FAT3: variants seen among roughly 807,000 people sequenced by gnomAD.
The protein encoded by FAT3 is FAT atypical cadherin 3, also known as protocadherin Fat 3.
In FAT3, 95 loss-of-function variants were observed where a neutral mutation model predicts 310.2. The ratio of observed to expected loss-of-function variants is 0.31; its 90% CI spans 0.26 to 0.36. FAT3 has a LOEUF of 0.36. FAT3 is among the 10% of genes least tolerant of loss of function. The pLI, the probability that FAT3 is intolerant of heterozygous loss-of-function variation, is 1.00. For synonymous variants in FAT3, 2,314 were observed against 2,192.9 expected (o/e 1.06, Z -1.54); for missense variants, 5,408 against 5,715.6 (o/e 0.95, Z 1.74).
rs1212364088 is a variant in FAT3, at chr11:92,800,920, C to T, written c.7907C>T (p.Thr2636Ile). 1.2e-6 allele frequency: 2 copies of T among 1,612,714 alleles called. No homozygotes were observed. The highest frequency in any genetic ancestry group is 1.7e-6 in the Non-Finnish European group (2 of 1,179,374). The change falls in exon 10 of 28, where the codon ACT (threonine) becomes ATT (isoleucine). Residue 2636 changes from threonine (T) to isoleucine (I), a missense_variant. Physicochemically the swap from Thr to Ile is moderately conservative, Grantham distance 89. Coordinates refer to ENST00000525166, the MANE Select transcript of FAT3 (RefSeq NM_001367949.2). ...GATGATGGAGCAAATTCAAGGATTACTTATTCCCTCTATAGCGAGGCCTCT... is the reference window on the plus strand; with the variant it reads ...GATGATGGAGCAAATTCAAGGATTATTTATTCCCTCTATAGCGAGGCCTCT... ...DPDDGANSRI[T>I]YSLYSEASVS...
At chr11:92,340,876 C>A (rs1433133958) in intron 1 of FAT3, among the ~76,000 whole-genome samples, 1 of 152,116 alleles carries the variant, frequency 6.6e-6, no homozygotes, top group Non-Finnish European at 1.5e-5. Context: ...TGCATTTTGC[C>A]TTCTTAGCTA....
chr11:92,630,003 C>T (rs996306444), intron 3 of FAT3, among the ~76,000 whole-genome samples: 13 of 152,130 alleles, frequency 8.5e-5, no homozygotes, highest in African/African-American at 3.1e-4. Context: ...TTCTGGTGTG[C>T]GCTCAGATAT....
chr11:92,718,501 G>A (rs764250862), intron 4 of FAT3, among the ~76,000 whole-genome samples: 45 of 152,266 alleles, frequency 3.0e-4, no homozygotes, highest in Middle Eastern at 3.4e-3. Flanking sequence ...GACAGGGACA[G>A]GATTGTGATG....
In FAT3 at chr11:92,373,667, A is replaced by G. The variant is rs1276470216; in HGVS notation, c.3292+18263A>G. Among the ~76,000 whole-genome samples the G allele has an allele frequency of 2.6e-5, 4 of 152,066 alleles. No homozygotes were observed. In the East Asian group the frequency reaches 7.8e-4, roughly 29 times the overall value. ...CTACAGTATTCTAGGCACTGAGTTA[A>G]AAGAGTGATCCAAACAGGCAAAAAT... On this transcript the variant is annotated intron_variant, in intron 2 of 27. Coordinates refer to ENST00000525166, the MANE Select transcript of FAT3 (RefSeq NM_001367949.2).
At chr11:92,811,916 G>C (rs1947683838) in intron 13 of FAT3, among the ~76,000 whole-genome samples, 1 of 152,184 alleles carries the variant, frequency 6.6e-6, no homozygotes, top group African/African-American at 2.4e-5. Flanking sequence ...TAAGACAGCT[G>C]AGGAAGAACC....
intron 10 of FAT3, among the ~76,000 whole-genome samples, 156 bp downstream of exon 10, chr11:92,802,065 G>A (rs976781991): frequency 2.6e-5 from 4 of 152,142 alleles, no homozygotes; most frequent in African/African-American, 7.2e-5. Flanking sequence ...AGCAGACTGC[G>A]TTTTTTGCTT....
chr11:92,767,133 C>T (rs901204499), intron 6 of FAT3, among the ~76,000 whole-genome samples: 1 of 151,940 alleles, frequency 6.6e-6, no homozygotes, highest in African/African-American at 2.4e-5. Context: ...CCTGTAATCC[C>T]AGCTACTGGG....
At chr11:92,834,835 T>C in intron 14 of FAT3, 35 bp from the exon 15 acceptor site, 1 of 1,519,104 alleles carries the variant, frequency 6.6e-7, no homozygotes. Flanking sequence ...TGTTTTTTCC[T>C]AATGAAATAT....
intron 19 of FAT3, among the ~76,000 whole-genome samples, chr11:92,851,324 A>G (rs3847545): frequency 0.074 from 11,262 of 152,170 alleles, 1,402 homozygotes; most frequent in African/African-American, 0.26. Context: ...TTTATAATAA[A>G]TGTTTTTCTT....
chr11:92,556,063 C>A (rs1288967210), intron 3 of FAT3, among the ~76,000 whole-genome samples: 1 of 152,084 alleles, frequency 6.6e-6, no homozygotes, highest in Admixed American at 6.5e-5. Flanking sequence ...TAATTCAGCA[C>A]CTGGGACATA....
chr11:92,409,005 T>C (rs1353225950), intron 2 of FAT3, among the ~76,000 whole-genome samples: 2 of 152,230 alleles, frequency 1.3e-5, no homozygotes, highest in African/African-American at 4.8e-5. Flanking sequence ...AATAATCCTG[T>C]CAACTATTAA....
At position 92,799,608 on chromosome 11, in the gene FAT3, A is replaced by G. The variant is rs199773304; in HGVS notation, c.6595A>G (p.Ile2199Val). 3.4e-4 allele frequency: 541 copies of G among 1,613,860 alleles called. No homozygotes were observed. The highest frequency in any genetic ancestry group is 4.2e-4 in the Non-Finnish European group (493 of 1,179,850). ...TTATACAGCATCTGTCAATGAAGAC[A>G]TCAGAATGAACACACCCATCCTAAG... ...PFYTASVNED[I>V]RMNTPILSIN... The change falls in exon 10 of 28, where the codon ATC becomes GTC. Residue 2199 changes from isoleucine (I) to valine (V), a missense_variant. Transcript: ENST00000525166.
At chr11:92,662,260 A>G (rs1447126235) in intron 3 of FAT3, among the ~76,000 whole-genome samples, 1 of 152,238 alleles carries the variant, frequency 6.6e-6, no homozygotes, top group Non-Finnish European at 1.5e-5. Context: ...GATGTCAGCC[A>G]TGGAAGCATA....
chr11:92,238,264 G>C (rs1235032939), intron 1 of FAT3, among the ~76,000 whole-genome samples: 1 of 152,090 alleles, frequency 6.6e-6, no homozygotes, highest in Non-Finnish European at 1.5e-5. Flanking sequence ...TTTACAGTCT[G>C]TTCCATAATG....
chr11:92,352,727 A>C lies in FAT3; in HGVS notation c.615A>C (p.Ser205=), dbSNP rs781619846. 6.2e-7 allele frequency: 1 copy of C among 1,613,866 alleles called. No homozygotes were observed. Among genetic ancestry groups the C allele is most frequent in the East Asian group, 2.2e-5 (1 of 44,874 alleles). ...YYFKNKVDLF[S]VHPTSGVISL... ...TTAAAAATAAAGTTGATCTCTTTTC[A>C]GTTCACCCCACGAGTGGTGTCATCT... Residue 205 remains serine (S), a synonymous_variant, in exon 2 of 28, where the codon TCA becomes TCC. Transcript: ENST00000525166.
intron 2 of FAT3, among the ~76,000 whole-genome samples, chr11:92,414,489 G>A (rs544957610): frequency 1.3e-5 from 2 of 152,280 alleles, no homozygotes; most frequent in African/African-American, 2.4e-5. Context: ...AAAATAAAAT[G>A]TAGTTACTTT....
rs561090967 is a variant in FAT3 at position 92,652,859 on chromosome 11, C to T, written c.3608-44525C>T. ...CTTCTGTCCTGCATTTGGGCTCACA[C>T]TCTGTTTAAAATCCCCTTCTCAGAC... On this transcript the variant is annotated intron_variant, in intron 3 of 27. Transcript: ENST00000525166. Among the ~76,000 whole-genome samples the T allele has an allele frequency of 3.9e-5, 6 of 152,328 alleles. No homozygotes were observed. The East Asian group carries it at 5.8e-4, about 15-fold the overall frequency.
At chr11:92,271,955 C>G (rs1318794826) in intron 1 of FAT3, among the ~76,000 whole-genome samples, 1 of 152,066 alleles carries the variant, frequency 6.6e-6, no homozygotes, top group Non-Finnish European at 1.5e-5. Context: ...CCCTTCACTT[C>G]TTTCTTAGTT....
chr11:92,571,007 T>G (rs1275313671), intron 3 of FAT3, among the ~76,000 whole-genome samples: 1 of 152,210 alleles, frequency 6.6e-6, no homozygotes, highest in Non-Finnish European at 1.5e-5. Flanking sequence ...ATTACCATTT[T>G]ATGATTATTC....
Sources: gnomAD v4.1 joint callset for allele counts (sites outside exome capture counted in the v4.1 genomes callset) on GRCh38, gnomAD v4.1.1 for gene constraint, MANE v1.5 for transcripts, NCBI Gene and HGNC (gene_info 2026-07-23, HGNC 2026-07-21) for gene names.